PCDHGA4: variants seen among roughly 807,000 people sequenced by gnomAD.
The protein encoded by PCDHGA4 is protocadherin gamma-A4.
A neutral mutation model predicts 54.6 loss-of-function variants in PCDHGA4; 38 were observed. That is an observed-to-expected ratio of 0.70 (90% CI 0.54 to 0.91). The LOEUF (loss-of-function observed/expected upper bound fraction) is 0.91, where lower values mean the gene tolerates loss of function less well. Ranked by LOEUF, PCDHGA4 falls within the 40% of genes least tolerant of loss-of-function variation. The pLI, the probability that PCDHGA4 is intolerant of heterozygous loss-of-function variation, is 0.00. For synonymous variants in PCDHGA4, 511 were observed against 512.9 expected (o/e 1.00, Z 0.05); for missense variants, 1,298 against 1,220.9 (o/e 1.06, Z -0.94).
In PCDHGA4 at chr5:141,385,021, G is replaced by A. The variant is rs556987681; in HGVS notation, c.2514+27400G>A. On this transcript the variant is annotated intron_variant, in intron 1 of 3. Coordinates refer to ENST00000571252, the MANE Select transcript of PCDHGA4 (RefSeq NM_018917.4). ...AGTCTCCTGCGTCTTCCTAGCCTTC[G>A]TCCTCGTACTGCTGGCGCTCAGGCT... 4.4e-5 allele frequency: 71 copies of A among 1,614,120 alleles called. No individual in the cohort carries two copies. The East Asian group carries it at 1.5e-3, about 35-fold the overall frequency.
At chr5:141,405,931 C>CT (rs1439525242) in intron 1 of PCDHGA4, among the ~76,000 whole-genome samples, 2 of 152,062 alleles carry the variant, frequency 1.3e-5, no homozygotes, top group Non-Finnish European at 2.9e-5. Context: ...GCTGATATAA[C>CT]TTTCATGTTC....
intron 1 of PCDHGA4, among the ~76,000 whole-genome samples, chr5:141,484,797 G>C (rs1228143036): frequency 6.6e-6 from 1 of 152,064 alleles, no homozygotes; most frequent in Non-Finnish European, 1.5e-5. Flanking sequence ...ATAACAACCC[G>C]TGGAAAAACA....
intron 1 of PCDHGA4, among the ~76,000 whole-genome samples, chr5:141,387,456 T>C (rs1444030980): frequency 6.6e-6 from 1 of 152,246 alleles, no homozygotes; most frequent in Non-Finnish European, 1.5e-5. Context: ...ATGATTTGCC[T>C]AAAAATCCTC....
chr5:141,389,741 G>T (rs537380299), intron 1 of PCDHGA4: 31 of 1,612,676 alleles, frequency 1.9e-5, no homozygotes, highest in Admixed American at 6.7e-5. Context: ...GCCTGGGGCT[G>T]CGCACGGGCG....
chr5:141,489,971 C>A lies in PCDHGA4; in HGVS notation c.2515-4836C>A, dbSNP rs1254025468. 1 of 1,614,060 alleles carries A rather than the reference C, an allele frequency of 6.2e-7. No homozygotes were observed. The highest frequency in any genetic ancestry group is 1.3e-5 in the African/African-American group (1 of 74,944). Reference sequence around the variant, plus strand: ...AATGATAATGCTCCAACCTTCCAATCCTCAGTTCTACGTGTGGGAATCCCA... The same window carrying A: ...AATGATAATGCTCCAACCTTCCAATACTCAGTTCTACGTGTGGGAATCCCA... On this transcript the variant is annotated intron_variant, in intron 1 of 3. Transcript: ENST00000571252. The surrounding 1 kb of genome is among the most constrained non-coding windows in gnomAD (Gnocchi z 4.5).
In PCDHGA4 at chr5:141,499,962, A is replaced by G. The variant is rs147527188; in HGVS notation, c.2573+5097A>G. Among the ~76,000 whole-genome samples the G allele has an allele frequency of 3.7e-3, 563 of 152,178 alleles. 5 individuals are homozygous for G. Among genetic ancestry groups the G allele is most frequent in the Admixed American group, 0.011 (164 of 15,288 alleles). On this transcript the variant is annotated intron_variant, in intron 2 of 3. Coordinates refer to ENST00000571252, the MANE Select transcript of PCDHGA4 (RefSeq NM_018917.4). ...CTCGGCCTCCCAAAATGTTGGGATT[A>G]CAGGTGTGAGCCACCTTGCCCGGCC...
intron 2 of PCDHGA4, among the ~76,000 whole-genome samples, chr5:141,504,008 C>G (rs2099835164): frequency 6.6e-6 from 1 of 152,208 alleles, no homozygotes; most frequent in South Asian, 2.1e-4. Flanking sequence ...ACTTAACTGT[C>G]TCTGCTGGTC....
intron 1 of PCDHGA4, chr5:141,413,835 C>T (rs762735722): frequency 1.9e-6 from 3 of 1,613,258 alleles, no homozygotes. Context: ...CCGCCTCCGA[C>T]GGGGGTGACC....
chr5:141,356,509 C>T lies in PCDHGA4; in HGVS notation c.1402C>T (p.His468Tyr). Residue 468 changes from histidine (H) to tyrosine (Y), a missense_variant, in exon 1 of 4, where the codon CAT (histidine) becomes TAT (tyrosine). Transcript: ENST00000571252. ...QGTPPLSTET[H>Y]ISLQVMDIND... is the part of the protein sequence containing the mutation. ...AACTCCTCCACTGTCTACAGAAACT[C>T]ATATTTCACTGCAAGTGATGGACAT... is the stretch of plus-strand genomic sequence containing the variant. 6.2e-7 allele frequency: 1 copy of T among 1,614,018 alleles called. No individual in the cohort carries two copies. The highest frequency in any genetic ancestry group is 8.5e-7 in the Non-Finnish European group (1 of 1,179,894).
intron 1 of PCDHGA4, chr5:141,409,829 A>AGC (rs2095323181): frequency 6.2e-7 from 1 of 1,610,980 alleles, no homozygotes; most frequent in African/African-American, 1.3e-5. Context: ...GCCCACGCTC[A>AGC]GCGCCAACGT....
chr5:141,423,132 C>T (rs375287728), intron 1 of PCDHGA4: 41 of 1,613,540 alleles, frequency 2.5e-5, no homozygotes, highest in Non-Finnish European at 3.3e-5. Flanking sequence ...CACTGCTGGA[C>T]AGAGACGCGC....
At chr5:141,414,587 G>A (rs775783880) in intron 1 of PCDHGA4, 5 of 1,613,828 alleles carry the variant, frequency 3.1e-6, no homozygotes, top group Non-Finnish European at 8.5e-7. Context: ...AACAACGCCA[G>A]GGGTGCCTCC....
intron 1 of PCDHGA4, chr5:141,426,510 T>C: frequency 2.9e-6 from 1 of 342,914 alleles, no homozygotes; most frequent in Non-Finnish European, 5.8e-6. Context: ...AACAATACTT[T>C]ACCGTGAACA....
chr5:141,500,877 A>ATTT (rs369345007), intron 2 of PCDHGA4, among the ~76,000 whole-genome samples: 1 of 122,288 alleles, frequency 8.2e-6, no homozygotes, highest in Admixed American at 8.0e-5. Context: ...TTCATTTACA[A>ATTT]TTTTTTTTTT....
chr5:141,374,357 CGCGAGGAGCTCTGT>C (rs1770415063), intron 1 of PCDHGA4: 2 of 1,613,900 alleles, frequency 1.2e-6, no homozygotes, highest in Non-Finnish European at 1.7e-6. Context: ...TAGGATAGAC[CGCGAGGAGCTCTGT>C]GCTCAGAGCC....
Position 141,355,561 on chromosome 5 carries a change from G to A in PCDHGA4, c.454G>A (p.Val152Met), listed in dbSNP as rs754992757. The A allele has an allele frequency of 5.0e-6, 8 of 1,613,922 alleles. No homozygotes were observed. Among genetic ancestry groups the A allele is most frequent in the East Asian group, 2.2e-5 (1 of 44,898 alleles). The stretch of plus-strand genomic sequence containing the variant: ...TACAGTGAAGATTTTGCGGGTAGAG[G>A]TGGAAATAATCGATGTTAATGATAA... ...EDTVKILRVE[V>M]EIIDVNDNPP... Residue 152 changes from valine (V) to methionine (M), a missense_variant, in exon 1 of 4, where the codon GTG (valine) becomes ATG (methionine). By Grantham distance (21) the Val-to-Met change is conservative (BLOSUM62 1). Transcript: ENST00000571252.
At chr5:141,398,709 G>A (rs1202607096) in intron 1 of PCDHGA4, 1 of 1,613,714 alleles carries the variant, frequency 6.2e-7, no homozygotes, top group Non-Finnish European at 8.5e-7. Context: ...ACCCGGAACT[G>A]GCACTGGAGA....
chr5:141,378,320 CGA>C (rs1285013125), intron 1 of PCDHGA4: 1 of 152,164 alleles, frequency 6.6e-6, no homozygotes, highest in Admixed American at 6.5e-5. Flanking sequence ...GTCAGGAGTT[CGA>C]GACCAGCCTG....
chr5:141,394,809 G>C (rs1346374248), intron 1 of PCDHGA4: 1 of 1,613,892 alleles, frequency 6.2e-7, no homozygotes, highest in Non-Finnish European at 8.5e-7. Flanking sequence ...AGCCGTGGCT[G>C]ACAGCATCCC....
Sources: allele counts gnomAD v4.1 joint callset (sites outside exome capture counted in the v4.1 genomes callset), GRCh38; gene constraint gnomAD v4.1.1; non-coding constraint Gnocchi (gnomAD v3.1); transcripts MANE v1.5; gene names NCBI Gene and HGNC (gene_info 2026-07-23, HGNC 2026-07-21).